SUPT16H: variants seen among roughly 807,000 people sequenced by gnomAD.
SUPT16H encodes the protein FACT complex subunit SPT16.
SUPT16H carries 24 observed loss-of-function variants against 136.2 expected under a neutral mutation model. That is an observed-to-expected ratio of 0.18 (90% CI 0.13 to 0.25). The LOEUF (loss-of-function observed/expected upper bound fraction) is 0.25, where lower values mean the gene tolerates loss of function less well. Ranked by LOEUF, SUPT16H falls within the 10% of genes least tolerant of loss-of-function variation. The pLI is 1.00. For synonymous variants in SUPT16H, 415 were observed against 428.2 expected (o/e 0.97, Z 0.38); for missense variants, 623 against 1,270.2 (o/e 0.49, Z 7.74).
intron 5 of SUPT16H, 166 bp from the exon 6 acceptor site, chr14:21,369,521 T>C (rs1374803055): frequency 1.0e-6 from 1 of 984,786 alleles, no homozygotes; most frequent in African/African-American, 1.6e-5. Context: ...TGGAGAACAA[T>C]ATGTAGGACT....
At chr14:21,383,091 C>T (rs192861304) in intron 1 of SUPT16H, 1 of 152,614 alleles carries the variant, frequency 6.6e-6, no homozygotes, top group African/African-American at 2.4e-5. Context: ...CAAATGTTTG[C>T]TCAATTAGTA....
chr14:21,363,401 C>T, intron 11 of SUPT16H, 37 bp downstream of exon 11: 1 of 1,609,918 alleles, frequency 6.2e-7, no homozygotes, highest in Non-Finnish European at 8.5e-7. Context: ...TCTTTATATC[C>T]TAAACTTCCT....
intron 18 of SUPT16H, 143 bp from the exon 19 acceptor site, chr14:21,359,752 GCTTGGGAATGGAA>G: frequency 1.1e-6 from 1 of 937,598 alleles, no homozygotes; most frequent in Non-Finnish European, 1.5e-6. Flanking sequence ...AAATAATGAT[GCTTGGGAATGGAA>G]ACAGTGTACA....
chr14:21,369,055 A>C, intron 6 of SUPT16H, 149 bp downstream of exon 6: 1 of 806,536 alleles, frequency 1.2e-6, no homozygotes, highest in Non-Finnish European at 1.9e-6. Context: ...CACCTGGGTG[A>C]TGGACACCCA....
chr14:21,376,272 T>C (rs902990221), intron 1 of SUPT16H, among the ~76,000 whole-genome samples: 3 of 152,218 alleles, frequency 2.0e-5, no homozygotes, highest in African/African-American at 4.8e-5. Context: ...TACAGCGTTG[T>C]AGTAAGTTTT....
chr14:21,378,593 C>T (rs1016589766), intron 1 of SUPT16H, among the ~76,000 whole-genome samples: 1 of 152,014 alleles, frequency 6.6e-6, no homozygotes, highest in Non-Finnish European at 1.5e-5. Context: ...TTTTTCATAT[C>T]AATGTGTCAG....
chr14:21,361,450 GGGAT>G, intron 15 of SUPT16H: 1 of 537,506 alleles, frequency 1.9e-6, no homozygotes, highest in Non-Finnish European at 3.3e-6. Flanking sequence ...CCAAGTACCT[GGGAT>G]TACAGGTACA....
At chr14:21,355,796 C>CAACCA (rs901217301) in intron 22 of SUPT16H, among the ~76,000 whole-genome samples, 2 of 152,096 alleles carry the variant, frequency 1.3e-5, no homozygotes, top group Non-Finnish European at 2.9e-5. Flanking sequence ...TAAAAACAAA[C>CAACCA]AACCATAAAA....
chr14:21,358,116 G>A lies in SUPT16H; in HGVS notation c.2415-114C>T, dbSNP rs1482939123. 79 of 977,228 alleles carry A rather than the reference G, an allele frequency of 8.1e-5. No individual in the cohort carries two copies. The East Asian group carries it at 2.0e-3, about 25-fold the overall frequency. The allele number at this position is 977,228 out of a possible 1,614,324, so 60.5% of individuals were successfully genotyped here. A position where few individuals can be genotyped will look rare whatever the true frequency, so the allele number is the denominator to read the frequency against. On this transcript the variant is annotated intron_variant, in intron 20 of 25. Transcript: ENST00000216297. Reference sequence around the variant, plus strand: ...AAACAGCTCCAGCATACTCACTGGAGACTCATCCAGAGGAAGCCTCTTAAG... The same window carrying A: ...AAACAGCTCCAGCATACTCACTGGAAACTCATCCAGAGGAAGCCTCTTAAG...
In SUPT16H at chr14:21,368,426, C is replaced by T. The variant is rs201324303; in HGVS notation, c.798G>A (p.Met266Ile). The T allele has an allele frequency of 4.4e-6, 7 of 1,608,052 alleles. No homozygotes were observed. The highest frequency in any genetic ancestry group is 3.3e-4 in the Middle Eastern group (2 of 6,040). Reference protein sequence around the residue: ...KFSVVSDKNHMHFGAITCAMG... With the variant: ...KFSVVSDKNHIHFGAITCAMG... The stretch of plus-strand genomic sequence containing the variant: ...TGGCACAAGTGATAGCCCCAAAGTG[C>T]ATATGATTCTTGTCACTAGAGACCA... Residue 266 changes from methionine to isoleucine, a missense_variant, in exon 7 of 26, where the codon ATG becomes ATA. By Grantham distance (10) the Met-to-Ile change is conservative. Transcript: ENST00000216297.
rs767821984 is a variant in SUPT16H at position 21,373,304 on chromosome 14, C to A, written c.159+34G>T. On this transcript the variant is annotated intron_variant, in intron 2 of 25. Coordinates refer to ENST00000216297, the MANE Select transcript of SUPT16H (RefSeq NM_007192.4). ...AACAGTGCAGTAGATAATCCAACAA[C>A]TCTAAGAGCTAAAAATTGCTGTAAA... 4 of 1,517,094 alleles carry A rather than the reference C, an allele frequency of 2.6e-6. No individual in the cohort carries two copies. In the African/African-American group the frequency reaches 5.5e-5, roughly 21 times the overall value. 94.0% of individuals were successfully genotyped at this position (1,517,094 alleles called of 1,614,324 possible).
chr14:21,364,783 G>C lies in SUPT16H; in HGVS notation c.1233+44C>G, dbSNP rs17197093. On this transcript the variant is annotated intron_variant, in intron 10 of 25. Coordinates refer to ENST00000216297, the MANE Select transcript of SUPT16H (RefSeq NM_007192.4). ...CCACAGGGTCCACAAACGTGCCTCAGAAGTTAGTTCATGAAGACTCCAAAG... is the reference window on the plus strand; with the variant it reads ...CCACAGGGTCCACAAACGTGCCTCACAAGTTAGTTCATGAAGACTCCAAAG... 0.07 allele frequency: 108,617 copies of C among 1,555,560 alleles called. 4,601 individuals carry two copies. Among genetic ancestry groups the C allele is most frequent in the Non-Finnish European group, 0.086 (97,095 of 1,129,384 alleles).
At chr14:21,354,234 G>A (rs539659088) in intron 23 of SUPT16H, among the ~76,000 whole-genome samples, 177 bp downstream of exon 23, 1 of 152,230 alleles carries the variant, frequency 6.6e-6, no homozygotes, top group East Asian at 1.9e-4. Flanking sequence ...ATCTTGTCAG[G>A]AGTTAGTTAC....
At chr14:21,368,533 T>TC in intron 6 of SUPT16H, 92 bp from the exon 7 acceptor site, 4 of 1,340,666 alleles carry the variant, frequency 3.0e-6, no homozygotes, top group Non-Finnish European at 3.0e-6. Flanking sequence ...TCATTACTTT[T>TC]CCCTGCCATA....
At chr14:21,353,879 ATTAAC>A (rs1320105614) in intron 23 of SUPT16H, 47 bp from the exon 24 acceptor site, 5 of 1,558,826 alleles carry the variant, frequency 3.2e-6, no homozygotes, top group Middle Eastern at 1.7e-4. Context: ...CATTTACCTT[ATTAAC>A]TTAATGAATT....
intron 23 of SUPT16H, 145 bp from the exon 24 acceptor site, chr14:21,353,977 T>C (rs1053823657): frequency 1.4e-6 from 1 of 722,496 alleles, no homozygotes; most frequent in African/African-American, 1.8e-5. Context: ...TAAAATGACT[T>C]GTTTAAAATT....
intron 3 of SUPT16H, 72 bp downstream of exon 3, chr14:21,371,802 C>G (rs933880757): frequency 1.3e-6 from 2 of 1,579,454 alleles, no homozygotes; most frequent in African/African-American, 1.4e-5. Context: ...TTTCAAACTC[C>G]TATAAGGCAT....
Position 21,363,026 on chromosome 14 carries a change from A to C in SUPT16H, c.1511+8T>G. On this transcript the variant is annotated splice_region_variant and intron_variant, in intron 13 of 25. Coordinates refer to ENST00000216297, the MANE Select transcript of SUPT16H (RefSeq NM_007192.4). ...CAGATGATCTCACTGCTCAGTGAAA[A>C]CTCTTACTTCTGAATCTGCTGTTCT... 6.2e-7 allele frequency: 1 copy of C among 1,613,574 alleles called. No homozygotes were observed. The highest frequency in any genetic ancestry group is 8.5e-7 in the Non-Finnish European group (1 of 1,179,900).
At chr14:21,374,064 T>C (rs748963003) in intron 1 of SUPT16H, among the ~76,000 whole-genome samples, 2 of 152,242 alleles carry the variant, frequency 1.3e-5, no homozygotes, top group African/African-American at 2.4e-5. Context: ...CATCTTGCAC[T>C]CTCAAAGATA....
Sources: gnomAD v4.1 joint callset for allele counts (sites outside exome capture counted in the v4.1 genomes callset) on GRCh38, gnomAD v4.1.1 for gene constraint, MANE v1.5 for transcripts, NCBI Gene and HGNC (gene_info 2026-07-23, HGNC 2026-07-21) for gene names.